Variants in PCDHGA2 observed in about 807,000 individuals in gnomAD.
The protein encoded by PCDHGA2 is protocadherin gamma-A2.
Under a neutral mutation model 59.2 loss-of-function variants are expected in PCDHGA2, and 40 were observed. The observed-to-expected ratio is 0.68, with a 90% CI of 0.52 to 0.88. The LOEUF is 0.88. Ranked by LOEUF, PCDHGA2 falls within the 40% of genes least tolerant of loss-of-function variation. PCDHGA2 has a pLI of 0.00. For missense variants in PCDHGA2, 1,226 were observed against 1,204.0 expected (o/e 1.02, Z -0.27); for synonymous variants, 560 against 526.0 (o/e 1.06, Z -0.89).
chr5:141,431,355 C>T lies in PCDHGA2; in HGVS notation c.2425-63452C>T. 1 of 1,614,054 alleles carries T rather than the reference C, an allele frequency of 6.2e-7. No homozygotes were observed. Among genetic ancestry groups the T allele is most frequent in the South Asian group, 1.1e-5 (1 of 91,082 alleles). ...TACCCCGAATTGGTGCTGAAACGCG[C>T]CCTGGACCGCGAAGAAAAGGCTGCT... On this transcript the variant is annotated intron_variant, in intron 1 of 3. Transcript: ENST00000394576. The surrounding 1 kb of genome is among the most constrained non-coding windows in gnomAD (Gnocchi z 4.8).
At position 141,489,244 on chromosome 5, in the gene PCDHGA2, G is replaced by C. The variant is rs145484133; in HGVS notation, c.2425-5563G>C. The C allele has an allele frequency of 3.3e-6, 5 of 1,534,936 alleles. No homozygotes were observed. Among genetic ancestry groups the C allele is most frequent in the African/African-American group, 1.4e-5 (1 of 72,374 alleles). On this transcript the variant is annotated intron_variant, in intron 1 of 3. Transcript: ENST00000394576. This position sits in a 1 kb window ranked among gnomAD's most constrained non-coding sequence, Gnocchi z 4.5. ...TCCACAAAGGGACTTCTGGGTCATGGGGCCCAAGACACTCCCACAGCTCGC... is the reference window on the plus strand; with the variant it reads ...TCCACAAAGGGACTTCTGGGTCATGCGGCCCAAGACACTCCCACAGCTCGC...
At chr5:141,389,388 T>C (rs375763465) in intron 1 of PCDHGA2, 34 of 1,613,602 alleles carry the variant, frequency 2.1e-5, no homozygotes, top group Non-Finnish European at 2.6e-5. Context: ...GCTGTCATCC[T>C]ACGTGTCCAT....
intron 1 of PCDHGA2, among the ~76,000 whole-genome samples, chr5:141,449,413 C>G (rs2098637966): frequency 6.6e-6 from 1 of 151,656 alleles, no homozygotes; most frequent in African/African-American, 2.4e-5. Flanking sequence ...TCAAGACCAG[C>G]CTGGCCAACA....
intron 3 of PCDHGA2, among the ~76,000 whole-genome samples, 193 bp downstream of exon 3, chr5:141,505,674 G>C (rs1482125302): frequency 6.6e-6 from 1 of 152,192 alleles, no homozygotes; most frequent in East Asian, 1.9e-4. Context: ...GGGGTTGGGG[G>C]TCCTGGGATG....
At chr5:141,404,354 G>C in intron 1 of PCDHGA2, 1 of 1,613,916 alleles carries the variant, frequency 6.2e-7, no homozygotes. Context: ...CAACGCCAGA[G>C]GTACTTCCAT....
chr5:141,365,936 G>T, intron 1 of PCDHGA2: 1 of 1,614,202 alleles, frequency 6.2e-7, no homozygotes, highest in Non-Finnish European at 8.5e-7. Flanking sequence ...GACAGCCAGC[G>T]ACAGTGGGAA....
chr5:141,418,523 C>G (rs2096266495), intron 1 of PCDHGA2: 1 of 1,613,958 alleles, frequency 6.2e-7, no homozygotes, highest in Non-Finnish European at 8.5e-7. Context: ...GGACCCTCCC[C>G]GAAGCGGTAC....
chr5:141,415,588 A>G lies in PCDHGA2; in HGVS notation c.2424+74193A>G, dbSNP rs769216282. 3.3e-5 allele frequency: 53 copies of G among 1,613,874 alleles called. No individual in the cohort carries two copies. Among genetic ancestry groups the G allele is most frequent in the Admixed American group, 3.3e-5 (2 of 59,998 alleles). ...TTTGTTAGATGATTCGAAGTTTCCT[A>G]TAGAGGATACCCCATTGGTTCCAGT... On this transcript the variant is annotated intron_variant, in intron 1 of 3. Transcript: ENST00000394576.
intron 1 of PCDHGA2, chr5:141,412,213 C>T (rs1467971455): frequency 6.6e-6 from 1 of 152,224 alleles, no homozygotes; most frequent in Non-Finnish European, 1.5e-5. Context: ...TTGACATAAA[C>T]ACTTACTTGT....
rs754140602 is a variant in PCDHGA2 at position 141,410,043 on chromosome 5, C to G, written c.2424+68648C>G. Reference sequence around the variant, plus strand: ...TACCACGTGCTGCAGGCCAGTGAGCCCGGACTCTTCAGCCTGGGGCTGCGC... The same window carrying G: ...TACCACGTGCTGCAGGCCAGTGAGCGCGGACTCTTCAGCCTGGGGCTGCGC... On this transcript the variant is annotated intron_variant, in intron 1 of 3. Transcript: ENST00000394576. 13 of 1,613,080 alleles carry G rather than the reference C, an allele frequency of 8.1e-6. No homozygotes were observed. The South Asian group carries it at 1.2e-4, about 15-fold the overall frequency.
intron 1 of PCDHGA2, chr5:141,355,683 T>A: frequency 6.2e-7 from 1 of 1,614,012 alleles, no homozygotes; most frequent in Non-Finnish European, 8.5e-7. Context: ...TTGATCCGGA[T>A]GTAGGTGTAA....
intron 1 of PCDHGA2, among the ~76,000 whole-genome samples, chr5:141,473,583 A>G (rs905824343): frequency 6.6e-6 from 1 of 152,226 alleles, no homozygotes; most frequent in Non-Finnish European, 1.5e-5. Flanking sequence ...CTAAGACCAG[A>G]CAGACCTGTA....
chr5:141,432,031 C>T lies in PCDHGA2; in HGVS notation c.2425-62776C>T. The T allele has an allele frequency of 6.2e-7, 1 of 1,614,220 alleles. No individual in the cohort carries two copies. Among genetic ancestry groups the T allele is most frequent in the Non-Finnish European group, 8.5e-7 (1 of 1,180,048 alleles). ...CTAGCTACAACATCACAGTGACCGC[C>T]ACTGACCGGGGAACCCCGCCCCTAT... On this transcript the variant is annotated intron_variant, in intron 1 of 3. Coordinates refer to ENST00000394576, the MANE Select transcript of PCDHGA2 (RefSeq NM_018915.4). This position sits in a 1 kb window ranked among gnomAD's most constrained non-coding sequence, Gnocchi z 6.0.
In PCDHGA2 at chr5:141,512,926, T is replaced by C. The variant is rs1438111849; in HGVS notation, c.*1753T>C. The C allele has an allele frequency of 6.6e-6, 1 of 152,216 alleles. No homozygotes were observed. The highest frequency in any genetic ancestry group is 1.5e-5 in the Non-Finnish European group (1 of 68,048). 9.4% of individuals were successfully genotyped at this position (152,216 alleles called of 1,614,324 possible). A position where few individuals can be genotyped will look rare whatever the true frequency, so the allele number is the denominator to read the frequency against. On this transcript the variant is annotated 3_prime_UTR_variant, in exon 4 of 4. Coordinates refer to ENST00000394576, the MANE Select transcript of PCDHGA2 (RefSeq NM_018915.4). ...CGCAAGTTTTATACTCTAATATTTA[T>C]ATGGCTTTTTTTCTTCGACAAAAAA...
At chr5:141,352,610 G>T (rs566336530) in intron 1 of PCDHGA2, 5 of 1,613,512 alleles carry the variant, frequency 3.1e-6, no homozygotes, top group Middle Eastern at 1.6e-4. Context: ...TCCTTCTATG[G>T]TTGTATGTGC....
intron 1 of PCDHGA2, among the ~76,000 whole-genome samples, chr5:141,479,817 A>T (rs773702225): frequency 6.6e-6 from 1 of 152,230 alleles, no homozygotes; most frequent in Non-Finnish European, 1.5e-5. Flanking sequence ...CAAGGATACT[A>T]TCCAAGGCAT....
intron 1 of PCDHGA2, chr5:141,408,609 A>G (rs765291231): frequency 1.2e-5 from 19 of 1,613,970 alleles, no homozygotes; most frequent in Non-Finnish European, 3.4e-6. Flanking sequence ...TTTGATAAAA[A>G]GGAAATACAT....
Position 141,427,844 on chromosome 5 carries a change from C to A in PCDHGA2, c.2425-66963C>A, listed in dbSNP as rs997069058. 6.5e-6 allele frequency: 10 copies of A among 1,550,194 alleles called. No homozygotes were observed. In the East Asian group the frequency reaches 2.2e-4, roughly 35 times the overall value. On this transcript the variant is annotated intron_variant, in intron 1 of 3. Transcript: ENST00000394576. ...TGGTCGCGCAGCGTGCCTTCGACCA[C>A]GAGCAGCTGTGCGCCTTCGAGCTCA...
At chr5:141,382,344 A>T (rs1323658613) in intron 1 of PCDHGA2, among the ~76,000 whole-genome samples, 1 of 152,224 alleles carries the variant, frequency 6.6e-6, no homozygotes, top group Non-Finnish European at 1.5e-5. Context: ...AAAATCTTTC[A>T]TATGTATTTA....
Sources: gnomAD v4.1 joint callset for allele counts (sites outside exome capture counted in the v4.1 genomes callset) on GRCh38, gnomAD v4.1.1 for gene constraint, Gnocchi (gnomAD v3.1) non-coding constraint, MANE v1.5 for transcripts, NCBI Gene and HGNC (gene_info 2026-07-23, HGNC 2026-07-21) for gene names.